Variants in ISG20L2 observed in about 807,000 individuals in gnomAD.
ISG20L2 encodes interferon stimulated exonuclease gene 20 like 2, also known as interferon-stimulated 20 kDa exonuclease-like 2.
A neutral mutation model predicts 27.8 loss-of-function variants in ISG20L2; 14 were observed. The ratio of observed to expected loss-of-function variants is 0.50; its 90% confidence interval spans 0.33 to 0.79. The LOEUF (loss-of-function observed/expected upper bound fraction) is 0.79, where lower values mean the gene tolerates loss of function less well. ISG20L2 is among the 30% of genes least tolerant of loss of function. ISG20L2 has a pLI of 0.02. For missense variants in ISG20L2, 393 were observed against 435.1 expected (o/e 0.90, Z 0.86); for synonymous variants, 157 against 165.7 (o/e 0.95, Z 0.40).
chr1:156,728,246 G>A (rs1288315590), intron 1 of ISG20L2, 169 bp downstream of exon 1: 1 of 986,018 alleles, frequency 1.0e-6, no homozygotes, highest in Non-Finnish European at 1.2e-6. Context: ...CTCCAGGCCG[G>A]AATTGGGGGC....
chr1:156,723,534 A>T (rs2102619200), intron 3 of ISG20L2, 72 bp from the exon 4 acceptor site: 1 of 1,592,694 alleles, frequency 6.3e-7, no homozygotes, highest in South Asian at 1.1e-5. Flanking sequence ...TACTCTCTGT[A>T]CTCCTCTTCC....
At chr1:156,726,570 A>G in intron 2 of ISG20L2, 1 of 790,388 alleles carries the variant, frequency 1.3e-6, no homozygotes, top group Non-Finnish European at 1.5e-6. Flanking sequence ...ACTTTTTTGT[A>G]GATGAGTTCC....
intron 2 of ISG20L2, 43 bp downstream of exon 2, chr1:156,726,863 C>T (rs375187217): frequency 6.3e-7 from 1 of 1,575,936 alleles, no homozygotes; most frequent in Non-Finnish European, 8.6e-7. Flanking sequence ...TTAGACCTCT[C>T]TCCATCCACC....
In ISG20L2 at chr1:156,728,424, G is replaced by C. The variant is rs955220678; in HGVS notation, c.-127C>G. The C allele has an allele frequency of 2.2e-5, 22 of 985,566 alleles. No individual in the cohort carries two copies. The highest frequency in any genetic ancestry group is 1.9e-4 in the African/African-American group (11 of 57,248). 61.1% of individuals were successfully genotyped at this position (985,566 alleles called of 1,614,324 possible). A position where few individuals can be genotyped will look rare whatever the true frequency, so the allele number is the denominator to read the frequency against. Reference sequence around the variant, plus strand: ...ACGCTCACAAACCTACCTCCCAGACGGGTCCAGCTAAGACCGGAAGCGTCC... The same window carrying C: ...ACGCTCACAAACCTACCTCCCAGACCGGTCCAGCTAAGACCGGAAGCGTCC... On this transcript the variant is annotated 5_prime_UTR_variant, in exon 1 of 4. Coordinates refer to ENST00000368219, the MANE Select transcript of ISG20L2 (RefSeq NM_001370150.2).
At chr1:156,725,981 C>A in intron 2 of ISG20L2, 2 of 985,528 alleles carry the variant, frequency 2.0e-6, no homozygotes, top group Non-Finnish European at 2.4e-6. Context: ...CTGGCGGCCT[C>A]CTGAGACCAG....
At chr1:156,723,831 G>A in intron 3 of ISG20L2, 1 of 1,246,620 alleles carries the variant, frequency 8.0e-7, no homozygotes, top group Non-Finnish European at 1.0e-6. Context: ...GCCACCCTTT[G>A]CTGAAATATA....
intron 1 of ISG20L2, 189 bp from the exon 2 acceptor site, chr1:156,727,958 A>C: frequency 9.0e-7 from 1 of 1,116,650 alleles, no homozygotes; most frequent in Non-Finnish European, 1.1e-6. Flanking sequence ...ATTCTAGTGA[A>C]GCCCAATTCA....
chr1:156,726,911 C>T lies in ISG20L2; in HGVS notation c.742G>A (p.Gly248Ser), dbSNP rs780256303. The change falls in exon 2 of 4, where the codon GGC (glycine) becomes AGC (serine). Residue 248 changes from glycine (G) to serine (S), a missense_variant. By Grantham distance (56) the Gly-to-Ser change is moderately conservative. Coordinates refer to ENST00000368219, the MANE Select transcript of ISG20L2 (RefSeq NM_001370150.2). ...TCAAGCCCCATGCTTCTTACCTGGC[C>T]TCGAGCAATCTTGAAGGGTGTGGCA... Reference protein sequence around the residue: ...VNATPFKIARGQILKILTGKI... With the variant: ...VNATPFKIARSQILKILTGKI... 3.7e-6 allele frequency: 6 copies of T among 1,611,220 alleles called. No individual in the cohort carries two copies. Among genetic ancestry groups the T allele is most frequent in the Non-Finnish European group, 1.7e-6 (2 of 1,177,844 alleles).
Position 156,726,961 on chromosome 1 carries a change from C to T in ISG20L2, c.692G>A (p.Gly231Asp). Residue 231 changes from glycine to aspartate, a missense_variant, in exon 2 of 4, where the codon GGT (glycine) becomes GAT (aspartate). Around this residue, in one of 3 missense-constraint regions of ISG20L2, gnomAD observed 171 missense variants for 195.3 expected, o/e 0.88. Transcript: ENST00000368219. ...ATTCACCATGTGCTGCTTCCGGATA[C>T]CACTCCACCTGGTTCGGTAGTCCAC... is the stretch of plus-strand genomic sequence containing the variant. ...HIVDYRTRWS[G>D]IRKQHMVNAT... 1 of 1,614,214 alleles carries T rather than the reference C, an allele frequency of 6.2e-7. No individual in the cohort carries two copies. The highest frequency in any genetic ancestry group is 8.5e-7 in the Non-Finnish European group (1 of 1,180,032).
In ISG20L2 at chr1:156,723,206, G is replaced by T. The variant is rs1571491697; in HGVS notation, c.*143C>A. On this transcript the variant is annotated 3_prime_UTR_variant, in exon 4 of 4. Transcript: ENST00000368219. ...AACACCTGAGGTGAAATTTCAATGG[G>T]TATTAAGTCTGGGGTAGAGCTTCTC... 2 of 992,078 alleles carry T rather than the reference G, an allele frequency of 2.0e-6. No individual in the cohort carries two copies. Among genetic ancestry groups the T allele is most frequent in the South Asian group, 1.5e-5 (1 of 67,290 alleles). 61.5% of individuals were successfully genotyped at this position (992,078 alleles called of 1,614,324 possible).
rs755070681 is a variant in ISG20L2 at position 156,726,914 on chromosome 1, G to C, written c.739C>G (p.Arg247Gly). 2 of 1,611,420 alleles carry C rather than the reference G, an allele frequency of 1.2e-6. No homozygotes were observed. The highest frequency in any genetic ancestry group is 1.7e-6 in the Non-Finnish European group (2 of 1,178,030). Residue 247 changes from arginine to glycine, a missense_variant, in exon 2 of 4, where the codon CGA becomes GGA. Coordinates refer to ENST00000368219, the MANE Select transcript of ISG20L2 (RefSeq NM_001370150.2). ...AGCCCCATGCTTCTTACCTGGCCTC[G>C]AGCAATCTTGAAGGGTGTGGCATTC... The part of the protein sequence containing the change: ...MVNATPFKIA[R>G]GQILKILTGK...
rs771930234 is a variant in ISG20L2, at chr1:156,727,658, C to T, written c.-6G>A. On this transcript the variant is annotated 5_prime_UTR_variant, in exon 2 of 4. Transcript: ENST00000368219. ...TTGAGCAGTAAAGTAGACATAGGGA[C>T]AATGGAAGGCGGAAGAGTAGTTGGG... 2.5e-6 allele frequency: 4 copies of T among 1,605,972 alleles called. No individual in the cohort carries two copies. Among genetic ancestry groups the T allele is most frequent in the Non-Finnish European group, 3.4e-6 (4 of 1,176,852 alleles).
intron 1 of ISG20L2, 85 bp from the exon 2 acceptor site, chr1:156,727,854 AG>A: frequency 7.2e-7 from 1 of 1,382,084 alleles, no homozygotes; most frequent in Non-Finnish European, 9.3e-7. Flanking sequence ...GACTTATGGA[AG>A]GAAAGACATC....
At position 156,727,543 on chromosome 1, in the gene ISG20L2, C is replaced by T. The variant is rs1424634984; in HGVS notation, c.110G>A (p.Arg37Gln). Residue 37 changes from arginine (R) to glutamine (Q), a missense_variant, in exon 2 of 4, where the codon CGG (arginine) becomes CAG (glutamine). Arg to Gln is a conservative substitution (Grantham distance 43, BLOSUM62 1). Transcript: ENST00000368219. ...GTTCTTTTTACTCAGAAAGCCTCTC[C>T]GTTCTAAGAGCCTCCGCTTCTTGAC... is the stretch of plus-strand genomic sequence containing the variant. ...NFVKKRRLLE[R>Q]RGFLSKKNQP... 47 of 1,614,036 alleles carry T rather than the reference C, an allele frequency of 2.9e-5. No homozygotes were observed. Among genetic ancestry groups the T allele is most frequent in the Non-Finnish European group, 3.7e-5 (44 of 1,180,026 alleles).
chr1:156,724,841 T>A (rs1200478029), intron 2 of ISG20L2: 1 of 242,938 alleles, frequency 4.1e-6, no homozygotes, highest in Non-Finnish European at 6.6e-6. Flanking sequence ...TCTCAGAGTC[T>A]ACAAACCGTA....
chr1:156,724,183 G>A lies in ISG20L2; in HGVS notation c.913C>T (p.His305Tyr). Residue 305 changes from histidine to tyrosine, a missense_variant, in exon 3 of 4, where the codon CAT (histidine) becomes TAT (tyrosine). This residue lies in a region of ISG20L2 where 171 missense variants were observed against 195.3 expected (regional missense o/e 0.88). Coordinates refer to ENST00000368219, the MANE Select transcript of ISG20L2 (RefSeq NM_001370150.2). ...CGGTTTAGCAGCTTCTTGGTGAGAT[G>A]CTTCAGAGACATGGTGGCATTCTCC... ...CPENATMSLK[H>Y]LTKKLLNRDI... 1 of 1,613,878 alleles carries A rather than the reference G, an allele frequency of 6.2e-7. No individual in the cohort carries two copies. The highest frequency in any genetic ancestry group is 1.3e-5 in the African/African-American group (1 of 74,948).
Position 156,727,637 on chromosome 1 carries a change from G to A in ISG20L2, c.16C>T (p.Leu6Phe). 1.2e-6 allele frequency: 2 copies of A among 1,613,230 alleles called. No homozygotes were observed. The highest frequency in any genetic ancestry group is 1.7e-6 in the Non-Finnish European group (2 of 1,179,904). Reference sequence around the variant, plus strand: ...GGAGGTTCCCCAAAATCCAGATTGAGCAGTAAAGTAGACATAGGGACAATG... The same window carrying A: ...GGAGGTTCCCCAAAATCCAGATTGAACAGTAAAGTAGACATAGGGACAATG... MSTLL[L>F]NLDFGEPPPK... Residue 6 changes from leucine to phenylalanine, a missense_variant, in exon 2 of 4, where the codon CTC (leucine) becomes TTC (phenylalanine). Leu to Phe is a conservative substitution (Grantham distance 22). Around this residue, in one of 3 missense-constraint regions of ISG20L2, gnomAD observed 183 missense variants for 168.2 expected, o/e 1.09. Coordinates refer to ENST00000368219, the MANE Select transcript of ISG20L2 (RefSeq NM_001370150.2).
chr1:156,724,684 C>A lies in ISG20L2; in HGVS notation c.748-336G>T, dbSNP rs944521218. The stretch of plus-strand genomic sequence containing the variant: ...TATTTAGTTCAGTTCTGGCTTGCTA[C>A]ATGAAGTCCTTTAACTATTACCATT... On this transcript the variant is annotated intron_variant, in intron 2 of 3. Coordinates refer to ENST00000368219, the MANE Select transcript of ISG20L2 (RefSeq NM_001370150.2). The A allele has an allele frequency of 2.3e-5, 24 of 1,051,432 alleles. 1 individual carries two copies. The African/African-American group carries it at 2.8e-4, about 12-fold the overall frequency. The allele number at this position is 1,051,432 out of a possible 1,614,324, so 65.1% of individuals were successfully genotyped here. A position where few individuals can be genotyped will look rare whatever the true frequency, so the allele number is the denominator to read the frequency against.
At chr1:156,728,270 A>C in intron 1 of ISG20L2, 145 bp downstream of exon 1, 1 of 985,988 alleles carries the variant, frequency 1.0e-6, no homozygotes. Context: ...CTCCGCATGC[A>C]TCTCACCCAA....
Sources: allele counts gnomAD v4.1 joint callset, GRCh38; gene constraint gnomAD v4.1.1; regional missense constraint gnomAD v4.1.1; transcripts MANE v1.5; gene names NCBI Gene and HGNC (gene_info 2026-07-23, HGNC 2026-07-21).